Variants in GRIN2B observed in about 807,000 individuals in gnomAD.
GRIN2B encodes glutamate ionotropic receptor NMDA type subunit 2B.
Under a neutral mutation model 114.5 loss-of-function variants are expected in GRIN2B, and 5 were observed. That is an observed-to-expected ratio of 0.04 (90% CI 0.02 to 0.09). GRIN2B has a LOEUF of 0.09. GRIN2B is among the 10% of genes least tolerant of loss of function. GRIN2B has a pLI of 1.00. For synonymous variants in GRIN2B, 787 were observed against 745.1 expected (o/e 1.06, Z -0.92); for missense variants, 1,108 against 1,943.5 (o/e 0.57, Z 8.08).
Position 13,564,496 on chromosome 12 carries a change from C to T in GRIN2B, c.2742G>A (p.Val914=). The change falls in exon 14 of 14, where the codon GTG becomes GTA. Residue 914 remains valine, a synonymous_variant. Transcript: ENST00000609686. The surrounding 1 kb of genome is among the most constrained non-coding windows in gnomAD (Gnocchi z 4.8). ...CCAGGGCGCTCTGCGGTGAGCCATT[C>T]ACACCAGACAGGTTAGCCATGTTCT... is the stretch of plus-strand genomic sequence containing the variant. ...TAKNMANLSG[V]NGSPQSALDF... is the part of the protein sequence containing the mutation. 6.2e-7 allele frequency: 1 copy of T among 1,614,222 alleles called. No individual in the cohort carries two copies. The highest frequency in any genetic ancestry group is 1.1e-5 in the South Asian group (1 of 91,076).
At chr12:13,712,529 C>CA (rs1441328717) in intron 4 of GRIN2B, among the ~76,000 whole-genome samples, 1 of 151,668 alleles carries the variant, frequency 6.6e-6, no homozygotes, top group Non-Finnish European at 1.5e-5. Context: ...TGGGAAGGGG[C>CA]ATGAGACACA....
chr12:13,640,244 C>T (rs1949702606), intron 5 of GRIN2B, among the ~76,000 whole-genome samples: 1 of 152,030 alleles, frequency 6.6e-6, no homozygotes, highest in African/African-American at 2.4e-5. Flanking sequence ...GAGCAAGGCC[C>T]TGTCTCTAAA....
intron 3 of GRIN2B, among the ~76,000 whole-genome samples, chr12:13,846,977 G>A (rs1865482950): frequency 6.6e-6 from 1 of 152,066 alleles, no homozygotes; most frequent in South Asian, 2.1e-4. Flanking sequence ...GTTAAAAGAG[G>A]CCAAACACGT....
At chr12:13,783,798 A>G (rs546139984) in intron 3 of GRIN2B, among the ~76,000 whole-genome samples, 70 of 152,330 alleles carry the variant, frequency 4.6e-4, no homozygotes, top group African/African-American at 1.6e-3. Flanking sequence ...GAACTCTACA[A>G]TCTACCTGCT....
At chr12:13,797,184 G>A (rs193165118) in intron 3 of GRIN2B, among the ~76,000 whole-genome samples, 23 of 152,274 alleles carry the variant, frequency 1.5e-4, no homozygotes, top group African/African-American at 2.2e-4. Context: ...TCTTATGAGA[G>A]CCCATTTCCT....
chr12:13,856,121 T>C (rs1035435157), intron 3 of GRIN2B, among the ~76,000 whole-genome samples: 23 of 152,146 alleles, frequency 1.5e-4, no homozygotes, highest in African/African-American at 5.6e-4. Context: ...AGAAACGCCA[T>C]GAATTCTCCT....
chr12:13,838,355 C>T (rs953371296), intron 3 of GRIN2B, among the ~76,000 whole-genome samples: 1 of 152,154 alleles, frequency 6.6e-6, no homozygotes, highest in Non-Finnish European at 1.5e-5. Context: ...TAGTCTAAAT[C>T]CATTTGATCC....
At chr12:13,751,034 G>A (rs1863476068) in intron 4 of GRIN2B, among the ~76,000 whole-genome samples, 1 of 152,208 alleles carries the variant, frequency 6.6e-6, no homozygotes, top group African/African-American at 2.4e-5. Flanking sequence ...AGAGCATGAG[G>A]CAGGTAAGGG....
chr12:13,783,418 G>C (rs1864156565), intron 3 of GRIN2B, among the ~76,000 whole-genome samples: 1 of 16,002 alleles, frequency 6.2e-5, no homozygotes, highest in Non-Finnish European at 2.1e-4. Context: ...CAAGAGAATT[G>C]GTAACGGAAA....
intron 2 of GRIN2B, among the ~76,000 whole-genome samples, chr12:13,976,534 G>C (rs775744422): frequency 6.6e-6 from 1 of 152,122 alleles, no homozygotes; most frequent in Non-Finnish European, 1.5e-5. Context: ...CAAGACTATC[G>C]TTTGGAACAA....
chr12:13,694,491 C>T (rs1439795873), intron 4 of GRIN2B, among the ~76,000 whole-genome samples: 4 of 150,916 alleles, frequency 2.7e-5, no homozygotes, highest in Non-Finnish European at 5.9e-5. Flanking sequence ...TAATATAATC[C>T]CATGTTACAG....
At chr12:13,751,359 A>G (rs1451244864) in intron 4 of GRIN2B, among the ~76,000 whole-genome samples, 1 of 152,208 alleles carries the variant, frequency 6.6e-6, no homozygotes, top group East Asian at 1.9e-4. Context: ...CCTGGCTGCA[A>G]TGTAAATTGA....
At chr12:13,661,042 C>T (rs541067884) in intron 5 of GRIN2B, among the ~76,000 whole-genome samples, 6 of 152,262 alleles carry the variant, frequency 3.9e-5, no homozygotes, top group African/African-American at 1.4e-4. Context: ...TCTGGCCCTG[C>T]CTTCATTTCT....
chr12:13,682,740 C>T (rs1950142471), intron 4 of GRIN2B, among the ~76,000 whole-genome samples: 1 of 152,080 alleles, frequency 6.6e-6, no homozygotes, highest in Admixed American at 6.6e-5. Context: ...TGTGCTTTAG[C>T]CCCTTAGTAG....
At chr12:13,634,479 G>C (rs140041035) in intron 5 of GRIN2B, among the ~76,000 whole-genome samples, 2 of 152,286 alleles carry the variant, frequency 1.3e-5, no homozygotes, top group East Asian at 3.9e-4. Flanking sequence ...TTCAACAGGA[G>C]TCTTCCAAAG....
chr12:13,806,885 TTTGA>T (rs1416999071), intron 3 of GRIN2B, among the ~76,000 whole-genome samples: 3 of 152,172 alleles, frequency 2.0e-5, no homozygotes, highest in African/African-American at 7.2e-5. Flanking sequence ...ATCCATTTGA[TTTGA>T]TTTTTATATA....
In GRIN2B at chr12:13,563,416, T is replaced by A; in HGVS notation, c.3822A>T (p.Ser1274=). ...DQPAAPVAVT[S]NASTTKYPQS... ...GAGGGTACTTAGTGGTGGAGGCGTT[T>A]GACGTCACCGCCACTGGGGCAGCCG... The change falls in exon 14 of 14, where the codon TCA becomes TCT. Residue 1274 remains serine (S), a synonymous_variant. Coordinates refer to ENST00000609686, the MANE Select transcript of GRIN2B (RefSeq NM_000834.5). The A allele has an allele frequency of 6.2e-7, 1 of 1,614,188 alleles. No homozygotes were observed. The highest frequency in any genetic ancestry group is 8.5e-7 in the Non-Finnish European group (1 of 1,180,030).
intron 4 of GRIN2B, among the ~76,000 whole-genome samples, chr12:13,710,443 C>A (rs979974515): frequency 1.3e-5 from 2 of 152,130 alleles, no homozygotes; most frequent in Non-Finnish European, 2.9e-5. Context: ...CAAATTGTCC[C>A]TGTTTGCAGA....
intron 2 of GRIN2B, among the ~76,000 whole-genome samples, chr12:13,960,113 C>A (rs1756486256): frequency 6.6e-6 from 1 of 152,078 alleles, no homozygotes. Flanking sequence ...CATCCCAGGC[C>A]TCTACCCCTG....
Sources: allele counts gnomAD v4.1 joint callset (sites outside exome capture counted in the v4.1 genomes callset), GRCh38; gene constraint gnomAD v4.1.1; non-coding constraint Gnocchi (gnomAD v3.1); transcripts MANE v1.5; gene names NCBI Gene and HGNC (gene_info 2026-07-23, HGNC 2026-07-21).